SLC25A48: variants seen among roughly 807,000 people sequenced by gnomAD.
SLC25A48 encodes the protein solute carrier family 25 member 48, also known as CTC-321K16.1.
A neutral mutation model predicts 32.2 loss-of-function variants in SLC25A48; 29 were observed. The ratio of observed to expected loss-of-function variants is 0.90; its 90% CI spans 0.67 to 1.23. The LOEUF (loss-of-function observed/expected upper bound fraction) is 1.23, where lower values mean the gene tolerates loss of function less well. SLC25A48 is among the 50% of genes most tolerant of loss of function. The probability of loss-of-function intolerance (pLI) is 0.00; values close to 1 mark genes in which losing one functional copy is unlikely to be tolerated. For missense variants in SLC25A48, 399 were observed against 422.7 expected (o/e 0.94, Z 0.49); for synonymous variants, 164 against 172.3 (o/e 0.95, Z 0.38).
intron 3 of SLC25A48, among the ~76,000 whole-genome samples, chr5:135,706,322 A>C (rs1754506797): frequency 6.6e-6 from 1 of 152,182 alleles, no homozygotes. Context: ...GGTACCATAC[A>C]GCAAGAGCAG....
intron 3 of SLC25A48, among the ~76,000 whole-genome samples, chr5:135,786,437 T>C (rs927028589): frequency 6.6e-6 from 1 of 152,126 alleles, no homozygotes; most frequent in African/African-American, 2.4e-5. Context: ...ATATTGTTTG[T>C]AATGTCATAA....
chr5:135,748,109 G>A (rs1211170148), intron 3 of SLC25A48, among the ~76,000 whole-genome samples: 1 of 152,200 alleles, frequency 6.6e-6, no homozygotes, highest in Non-Finnish European at 1.5e-5. Context: ...GAGCAGAGAG[G>A]AAGTCACCTA....
intron 3 of SLC25A48, among the ~76,000 whole-genome samples, chr5:135,651,267 G>A (rs1561775451): frequency 1.3e-5 from 2 of 152,096 alleles, no homozygotes; most frequent in South Asian, 2.1e-4. Context: ...GGCTTTTTGA[G>A]CTCCTATAGT....
At chr5:135,856,368 CCT>C (rs371844906) in intron 4 of SLC25A48, among the ~76,000 whole-genome samples, 32 of 152,136 alleles carry the variant, frequency 2.1e-4, no homozygotes, top group African/African-American at 7.7e-4. Context: ...CTGAGTAGCC[CCT>C]GTGTGACCCC....
chr5:135,768,556 C>T (rs923359231), intron 3 of SLC25A48, among the ~76,000 whole-genome samples: 1 of 150,746 alleles, frequency 6.6e-6, no homozygotes, highest in African/African-American at 2.4e-5. Context: ...GGGTATACAC[C>T]CCTCTGTGAC....
At chr5:135,726,930 T>C (rs971124211) in intron 3 of SLC25A48, among the ~76,000 whole-genome samples, 2 of 152,202 alleles carry the variant, frequency 1.3e-5, no homozygotes, top group African/African-American at 4.8e-5. Flanking sequence ...CAGCAATGTA[T>C]GAGTGATCCA....
At chr5:135,706,237 C>T (rs1025349943) in intron 3 of SLC25A48, among the ~76,000 whole-genome samples, 1 of 152,198 alleles carries the variant, frequency 6.6e-6, no homozygotes, top group African/African-American at 2.4e-5. Flanking sequence ...GCCTCCAGGA[C>T]TCCTGGTGAC....
rs1036965903 is a variant in SLC25A48, at chr5:135,738,134, C to G, written c.-520-74389C>G. ...CCCTTCCTTCAGGGAACACTTTAAT[C>G]AGTTCCCTTTAGAGGAATTTCACTC... On this transcript the variant is annotated intron_variant, in intron 3 of 10. Transcript: ENST00000646290. Among the ~76,000 whole-genome samples, 7 of 152,262 alleles carry G rather than the reference C, an allele frequency of 4.6e-5. No homozygotes were observed. In the East Asian group the frequency reaches 1.2e-3, roughly 25 times the overall value.
chr5:135,702,371 T>G (rs1754414147), intron 3 of SLC25A48, among the ~76,000 whole-genome samples: 1 of 152,114 alleles, frequency 6.6e-6, no homozygotes, highest in African/African-American at 2.4e-5. Context: ...GAGGATGCCA[T>G]GTGATGACAG....
chr5:135,719,673 G>A (rs1754900995), intron 3 of SLC25A48, among the ~76,000 whole-genome samples: 1 of 152,178 alleles, frequency 6.6e-6, no homozygotes, highest in Admixed American at 6.5e-5. Flanking sequence ...GAGTAAGGAG[G>A]AGAGTGCAGT....
chr5:135,788,898 AC>A (rs1314490594), intron 3 of SLC25A48, among the ~76,000 whole-genome samples: 3 of 143,856 alleles, frequency 2.1e-5, no homozygotes, highest in Non-Finnish European at 4.6e-5. Flanking sequence ...GGGGGTGTAC[AC>A]CCCCACGCCA....
chr5:135,604,620 T>A (rs1751888479), intron 1 of SLC25A48, among the ~76,000 whole-genome samples: 1 of 152,230 alleles, frequency 6.6e-6, no homozygotes, highest in Non-Finnish European at 1.5e-5. Context: ...ACAGTTGAGA[T>A]AACTGATGTT....
chr5:135,699,110 C>A (rs150604491), intron 3 of SLC25A48, among the ~76,000 whole-genome samples: 2 of 152,120 alleles, frequency 1.3e-5, no homozygotes, highest in African/African-American at 2.4e-5. Context: ...ATGATAAAAC[C>A]GCTTTGGAAA....
At chr5:135,802,567 C>T (rs926747084) in intron 3 of SLC25A48, among the ~76,000 whole-genome samples, 2 of 150,972 alleles carry the variant, frequency 1.3e-5, no homozygotes, top group African/African-American at 4.9e-5. Flanking sequence ...GTGTGTACAC[C>T]CTGTGATATT....
In SLC25A48 at chr5:135,584,146, G is replaced by A. The variant is rs1030879188; in HGVS notation, c.-849+4549G>A. On this transcript the variant is annotated intron_variant, in intron 1 of 10. Coordinates refer to the SLC25A48 transcript ENST00000646290. The stretch of plus-strand genomic sequence containing the variant: ...CTGTTACTCAGATGGGTCACAGGGG[G>A]CACTGCAAGATTCCCCTAAACATGG... Among the ~76,000 whole-genome samples, 4 of 152,216 alleles carry A rather than the reference G, an allele frequency of 2.6e-5. No individual in the cohort carries two copies. In the East Asian group the frequency reaches 7.7e-4, roughly 29 times the overall value.
intron 3 of SLC25A48, among the ~76,000 whole-genome samples, chr5:135,637,792 C>G (rs974068366): frequency 2.0e-5 from 3 of 152,164 alleles, no homozygotes; most frequent in Non-Finnish European, 4.4e-5. Context: ...TAATTGGAGA[C>G]TCTACTGACT....
At chr5:135,847,393 G>T (rs1759511524) in intron 2 of SLC25A48, among the ~76,000 whole-genome samples, 1 of 152,182 alleles carries the variant, frequency 6.6e-6, no homozygotes, top group African/African-American at 2.4e-5. Flanking sequence ...AACAAAACGA[G>T]GGGGCCAGGT....
At chr5:135,868,232 G>A (rs1412148170) in intron 4 of SLC25A48, among the ~76,000 whole-genome samples, 2 of 152,196 alleles carry the variant, frequency 1.3e-5, no homozygotes, top group Non-Finnish European at 2.9e-5. Flanking sequence ...GAATGGGGAG[G>A]AGGTCCAGCC....
intron 3 of SLC25A48, among the ~76,000 whole-genome samples, chr5:135,738,417 T>A (rs1193084533): frequency 6.6e-6 from 1 of 152,170 alleles, no homozygotes; most frequent in Non-Finnish European, 1.5e-5. Context: ...CCAGGACCCC[T>A]GGGCCCGTGT....
Sources: allele counts gnomAD v4.1 joint callset (sites outside exome capture counted in the v4.1 genomes callset), GRCh38; gene constraint gnomAD v4.1.1; transcripts MANE v1.5; gene names NCBI Gene and HGNC (gene_info 2026-07-23, HGNC 2026-07-21).